Variants in DLC1 observed in about 807,000 individuals in gnomAD.
The protein encoded by DLC1 is rho GTPase-activating protein 7.
DLC1 carries 54 observed loss-of-function variants against 140.3 expected under a neutral mutation model. The ratio of observed to expected loss-of-function variants is 0.38; its 90% CI spans 0.31 to 0.48. DLC1 has a LOEUF of 0.48. DLC1 is among the 20% of genes least tolerant of loss of function. The probability of loss-of-function intolerance (pLI) is 0.96; values close to 1 mark genes in which losing one functional copy is unlikely to be tolerated. For missense variants in DLC1, 2,536 were observed against 1,907.0 expected (o/e 1.33, Z -6.14); for synonymous variants, 986 against 728.1 (o/e 1.35, Z -5.70).
At chr8:13,114,319 AC>A (rs1233319993) in intron 6 of DLC1, among the ~76,000 whole-genome samples, 1 of 152,172 alleles carries the variant, frequency 6.6e-6, no homozygotes, top group African/African-American at 2.4e-5. Flanking sequence ...CCAAAATCAC[AC>A]CACTGAACTC....
chr8:13,437,073 C>T (rs1204166904), intron 2 of DLC1, among the ~76,000 whole-genome samples: 1 of 152,194 alleles, frequency 6.6e-6, no homozygotes, highest in Admixed American at 6.5e-5. Context: ...TCTGATGGCC[C>T]AATGAACTTC....
chr8:13,331,974 A>G (rs1413655797), intron 4 of DLC1, among the ~76,000 whole-genome samples: 1 of 152,212 alleles, frequency 6.6e-6, no homozygotes, highest in Non-Finnish European at 1.5e-5. Context: ...TAACTTCTAC[A>G]CACAAAGACT....
intron 2 of DLC1, among the ~76,000 whole-genome samples, chr8:13,431,470 G>C (rs528885300): frequency 2.8e-5 from 3 of 105,282 alleles, no homozygotes; most frequent in Non-Finnish European, 5.1e-5. Context: ...GCCACAGAGC[G>C]AGACTCCGTC....
chr8:13,492,496 C>G (rs925285371), intron 2 of DLC1, among the ~76,000 whole-genome samples: 2 of 147,538 alleles, frequency 1.4e-5, no homozygotes, highest in African/African-American at 2.5e-5. Flanking sequence ...CACTTACTCT[C>G]TCTGTCTCTC....
At chr8:13,188,827 GTA>G (rs1563149780) in intron 5 of DLC1, among the ~76,000 whole-genome samples, 18 of 28,638 alleles carry the variant, frequency 6.3e-4, no homozygotes, top group Admixed American at 2.9e-3. Context: ...ATATATATAT[GTA>G]TATATATATA....
At chr8:13,356,329 A>G (rs1282835403) in intron 4 of DLC1, among the ~76,000 whole-genome samples, 3 of 152,292 alleles carry the variant, frequency 2.0e-5, no homozygotes, top group African/African-American at 7.2e-5. Context: ...TTTAAAGATG[A>G]GGAAATTTAG....
chr8:13,241,354 C>A (rs922103717), intron 5 of DLC1, among the ~76,000 whole-genome samples: 4 of 152,124 alleles, frequency 2.6e-5, no homozygotes, highest in African/African-American at 9.7e-5. Context: ...AAATGGGAGG[C>A]AACATCACAC....
At chr8:13,323,639 C>T (rs1310725946) in intron 4 of DLC1, among the ~76,000 whole-genome samples, 1 of 152,120 alleles carries the variant, frequency 6.6e-6, no homozygotes, top group East Asian at 1.9e-4. Flanking sequence ...CATTAAGGAA[C>T]TTAGATTTTA....
rs189108300 is a variant in DLC1 at position 13,330,144 on chromosome 8, T to C, written c.1315-24842A>G. 4.6e-5 allele frequency among the ~76,000 whole-genome samples: 7 copies of C among 152,222 alleles called. No individual in the cohort carries two copies. In the East Asian group the frequency reaches 1.4e-3, roughly 30 times the overall value. On this transcript the variant is annotated intron_variant, in intron 4 of 17. Coordinates refer to ENST00000276297, the MANE Select transcript of DLC1 (RefSeq NM_182643.3). Reference sequence around the variant, plus strand: ...AATGTCTGGATAATTTTAAATTTTTTTGTAGAGACAGAATCTTGCTATGTT... The same window carrying C: ...AATGTCTGGATAATTTTAAATTTTTCTGTAGAGACAGAATCTTGCTATGTT...
intron 1 of DLC1, among the ~76,000 whole-genome samples, chr8:13,544,860 A>C (rs1803602830): frequency 6.6e-6 from 1 of 152,138 alleles, no homozygotes; most frequent in Admixed American, 6.6e-5. Context: ...TTTGTTCTAT[A>C]ATGCTGCTTA....
intron 7 of DLC1, among the ~76,000 whole-genome samples, chr8:13,106,748 T>A (rs1819598610): frequency 6.6e-6 from 1 of 152,256 alleles, no homozygotes; most frequent in Non-Finnish European, 1.5e-5. Flanking sequence ...ACAAAGTGAA[T>A]ACTGCAGGTG....
chr8:13,118,326 A>G (rs1296712819), intron 5 of DLC1, among the ~76,000 whole-genome samples: 2 of 152,200 alleles, frequency 1.3e-5, no homozygotes, highest in Non-Finnish European at 2.9e-5. Context: ...TCAGCAGATA[A>G]TTTAATTAAC....
At chr8:13,172,081 T>C (rs1212453730) in intron 5 of DLC1, among the ~76,000 whole-genome samples, 3 of 152,236 alleles carry the variant, frequency 2.0e-5, no homozygotes, top group Non-Finnish European at 4.4e-5. Flanking sequence ...GTGCTTCATC[T>C]ATATGGCATT....
In DLC1 at chr8:13,601,928, A is replaced by G. The variant is rs1221358912; in HGVS notation, c.-126+2609T>C. On this transcript the variant is annotated intron_variant, in intron 1 of 1. Transcript: ENST00000631382. ...TTTTAATGTGTCCACTATTTTTCAG[A>G]ATTAATTCTATGCTTTCACATTTCC... Among the ~76,000 whole-genome samples, 3 of 151,812 alleles carry G rather than the reference A, an allele frequency of 2.0e-5. No homozygotes were observed. The East Asian group carries it at 5.8e-4, about 29-fold the overall frequency.
chr8:13,102,742 T>C (rs752008648), intron 8 of DLC1, 48 bp downstream of exon 8: 2 of 1,523,582 alleles, frequency 1.3e-6, no homozygotes, highest in East Asian at 4.5e-5. Context: ...TTCACTTTTT[T>C]GTTTGCCCCT....
intron 4 of DLC1, among the ~76,000 whole-genome samples, chr8:13,356,059 C>A (rs1054465757): frequency 8.3e-6 from 1 of 119,824 alleles, no homozygotes; most frequent in Admixed American, 1.2e-4. Flanking sequence ...CACTGCACTG[C>A]AGCCTGAGTG....
At chr8:13,558,536 A>G (rs546420531) in intron 1 of DLC1, 3 of 152,198 alleles carry the variant, frequency 2.0e-5, no homozygotes, top group South Asian at 4.1e-4. Context: ...ACCGAAGCCT[A>G]TATTTCATAG....
At chr8:13,162,826 T>G (rs1437704217) in intron 5 of DLC1, among the ~76,000 whole-genome samples, 1 of 152,180 alleles carries the variant, frequency 6.6e-6, no homozygotes, top group African/African-American at 2.4e-5. Context: ...TGCTCCTGTA[T>G]TCCTAGCAGA....
At chr8:13,561,479 C>T (rs144384662) in intron 1 of DLC1, among the ~76,000 whole-genome samples, 1,645 of 152,218 alleles carry the variant, frequency 0.011, 16 homozygotes, top group Non-Finnish European at 0.016. Context: ...ACTACACGTG[C>T]AGGATTTAAT....
Sources: allele counts gnomAD v4.1 joint callset (sites outside exome capture counted in the v4.1 genomes callset), GRCh38; gene constraint gnomAD v4.1.1; transcripts MANE v1.5; gene names NCBI Gene and HGNC (gene_info 2026-07-23, HGNC 2026-07-21).